Variants in LARGE1 observed in about 807,000 individuals in gnomAD.
LARGE1 encodes the protein LARGE xylosyl- and glucuronyltransferase 1.
Under a neutral mutation model 87.6 loss-of-function variants are expected in LARGE1, and 43 were observed. The observed-to-expected ratio is 0.49, with a 90% CI of 0.38 to 0.63. LARGE1 has a LOEUF of 0.63. Ranked by LOEUF, LARGE1 falls within the 30% of genes least tolerant of loss-of-function variation. The pLI, the probability that LARGE1 is intolerant of heterozygous loss-of-function variation, is 0.00. For synonymous variants in LARGE1, 434 were observed against 394.6 expected (o/e 1.10, Z -1.18); for missense variants, 802 against 1,000.2 (o/e 0.80, Z 2.67).
intron 2 of LARGE1, among the ~76,000 whole-genome samples, chr22:33,658,307 C>T (rs112840077): frequency 4.6e-5 from 7 of 152,080 alleles, no homozygotes; most frequent in South Asian, 2.1e-4. Context: ...TTTTACGGTC[C>T]GGGATACATG....
Position 33,376,980 on chromosome 22 carries a change from C to T in LARGE1, c.1131+4939G>A, listed in dbSNP as rs115555138. 5.1e-3 allele frequency among the ~76,000 whole-genome samples: 781 copies of T among 152,280 alleles called. 8 individuals are homozygous for T. The highest frequency in any genetic ancestry group is 0.018 in the African/African-American group (737 of 41,542). On this transcript the variant is annotated intron_variant, in intron 9 of 14. Transcript: ENST00000397394. ...CCTAGCTGCCATTCATTCTCTCCAA[C>T]GTGAAACAAGACCAGAAACCTGGGA... is the stretch of plus-strand genomic sequence containing the variant.
rs7289382 is a variant in LARGE1 at position 33,686,479 on chromosome 22, G to A, written c.107-35811C>T. ...AATCGCTTGAACCTGGGAGGCAGAC[G>A]TTGCAGTGAGCCAAGATCATGCCAT... On this transcript the variant is annotated intron_variant, in intron 2 of 14. Transcript: ENST00000397394. 1.6e-3 allele frequency among the ~76,000 whole-genome samples: 235 copies of A among 149,068 alleles called. 1 individual carries two copies. The highest frequency in any genetic ancestry group is 5.3e-3 in the African/African-American group (215 of 40,314).
intron 3 of LARGE1, among the ~76,000 whole-genome samples, chr22:33,628,830 G>A (rs530076591): frequency 6.6e-6 from 1 of 152,140 alleles, no homozygotes; most frequent in South Asian, 2.1e-4. Flanking sequence ...AGACAGTCTT[G>A]GTTGTCACTA....
At chr22:33,203,631 G>A (rs766205414) in intron 11 of LARGE1, among the ~76,000 whole-genome samples, 5 of 152,152 alleles carry the variant, frequency 3.3e-5, no homozygotes, top group Non-Finnish European at 7.4e-5. Flanking sequence ...GGCAAGCAGA[G>A]ATGATAGAAC....
At chr22:33,521,812 C>T (rs1374613846) in intron 6 of LARGE1, among the ~76,000 whole-genome samples, 1 of 152,132 alleles carries the variant, frequency 6.6e-6, no homozygotes, top group Non-Finnish European at 1.5e-5. Flanking sequence ...TAAAGGAATA[C>T]CTGAGAATGG....
chr22:33,641,007 T>G (rs1036626349), intron 3 of LARGE1, among the ~76,000 whole-genome samples: 1 of 152,154 alleles, frequency 6.6e-6, no homozygotes, highest in African/African-American at 2.4e-5. Context: ...GACTTAAACA[T>G]TCCTGCCTGC....
intron 6 of LARGE1, among the ~76,000 whole-genome samples, chr22:33,515,643 C>T (rs960470318): frequency 2.6e-5 from 4 of 152,068 alleles, no homozygotes; most frequent in Admixed American, 2.0e-4. Context: ...CCCCAGAAAC[C>T]CCCTCATTTT....
chr22:33,782,029 T>A (rs2085439133), intron 1 of LARGE1, among the ~76,000 whole-genome samples: 1 of 152,230 alleles, frequency 6.6e-6, no homozygotes, highest in East Asian at 1.9e-4. Context: ...AGTTCTCTAA[T>A]ACAATGTAAA....
intron 7 of LARGE1, among the ~76,000 whole-genome samples, chr22:33,412,595 T>C (rs1007078710): frequency 3.9e-5 from 6 of 152,238 alleles, no homozygotes; most frequent in African/African-American, 1.4e-4. Flanking sequence ...TGAGTATTTG[T>C]TACCTTTGTT....
At chr22:33,840,039 T>C (rs925725188) in intron 1 of LARGE1, among the ~76,000 whole-genome samples, 1 of 152,146 alleles carries the variant, frequency 6.6e-6, no homozygotes, top group African/African-American at 2.4e-5. Flanking sequence ...TTAGAGAAAA[T>C]GCCTCTAAAA....
At chr22:33,891,040 ACGGTTCTGTG>A (rs528079598) in intron 1 of LARGE1, among the ~76,000 whole-genome samples, 3,316 of 15,938 alleles carry the variant, frequency 0.21, 131 homozygotes, top group African/African-American at 0.48. Context: ...GAAGCTGCAT[ACGGTTCTGTG>A]CATATGGGAA....
Position 33,362,982 on chromosome 22 carries a change from C to T in LARGE1, c.1131+18937G>A, listed in dbSNP as rs149013607. Among the ~76,000 whole-genome samples the T allele has an allele frequency of 3.4e-3, 505 of 150,192 alleles. 31 individuals are homozygous for T. The highest frequency in any genetic ancestry group is 0.012 in the African/African-American group (492 of 40,924). Reference sequence around the variant, plus strand: ...AGCACTCAATTAGCAGATCAAAAAACCTGGCCTGTGGATGAAAAGAAAGCA... The same window carrying T: ...AGCACTCAATTAGCAGATCAAAAAATCTGGCCTGTGGATGAAAAGAAAGCA... On this transcript the variant is annotated intron_variant, in intron 9 of 14. Transcript: ENST00000397394.
intron 9 of LARGE1, among the ~76,000 whole-genome samples, chr22:33,345,095 T>A (rs571168996): frequency 1.3e-5 from 2 of 152,278 alleles, no homozygotes; most frequent in African/African-American, 2.4e-5. Flanking sequence ...TAATAATAAT[T>A]ATTATTAGCA....
At chr22:33,610,515 G>A (rs532018310) in intron 4 of LARGE1, among the ~76,000 whole-genome samples, 1 of 152,270 alleles carries the variant, frequency 6.6e-6, no homozygotes, top group Admixed American at 6.5e-5. Flanking sequence ...GCAGCAAAGT[G>A]TCCAGATGGA....
chr22:33,357,592 T>C (rs5994723), intron 9 of LARGE1, among the ~76,000 whole-genome samples: 141,024 of 152,092 alleles, frequency 0.93, 65,560 homozygotes, highest in South Asian at 0.97. Flanking sequence ...GTCGGGAGTT[T>C]GAGACCAGCC....
chr22:33,808,489 T>C (rs1390111122), intron 1 of LARGE1, among the ~76,000 whole-genome samples: 1 of 152,130 alleles, frequency 6.6e-6, no homozygotes, highest in Non-Finnish European at 1.5e-5. Flanking sequence ...CACAAATAGG[T>C]TGGGGGAAAT....
intron 3 of LARGE1, among the ~76,000 whole-genome samples, chr22:33,639,745 T>C (rs748580546): frequency 6.6e-4 from 101 of 152,042 alleles, no homozygotes; most frequent in Middle Eastern, 3.4e-3. Context: ...GCAAGAAAAA[T>C]ACACACATCC....
At chr22:33,251,177 C>T (rs1343265407) in intron 11 of LARGE1, among the ~76,000 whole-genome samples, 5 of 152,154 alleles carry the variant, frequency 3.3e-5, no homozygotes, top group Non-Finnish European at 7.4e-5. Flanking sequence ...TATCCTAGAG[C>T]CAAATGCTTC....
At chr22:33,249,607 C>T (rs1261785245) in intron 11 of LARGE1, among the ~76,000 whole-genome samples, 2 of 152,140 alleles carry the variant, frequency 1.3e-5, no homozygotes, top group African/African-American at 2.4e-5. Flanking sequence ...ATCTAAAAGT[C>T]ATTACTATAC....
Sources: allele counts gnomAD v4.1 joint callset (sites outside exome capture counted in the v4.1 genomes callset), GRCh38; gene constraint gnomAD v4.1.1; transcripts MANE v1.5; gene names NCBI Gene and HGNC (gene_info 2026-07-23, HGNC 2026-07-21).